MTO1: variants seen among roughly 807,000 people sequenced by gnomAD.
MTO1 encodes the protein mitochondrial tRNA translation optimization 1, also known as 5-taurinomethyluridine-[tRNA] synthase subunit MTO1, mitochondrial.
Under a neutral mutation model 71.6 loss-of-function variants are expected in MTO1, and 46 were observed. That is an observed-to-expected ratio of 0.64 (90% CI 0.51 to 0.82). MTO1 has a LOEUF of 0.82. Among genes scored for constraint, MTO1 ranks in the 40% least tolerant of loss-of-function variants. The pLI is 0.00. For synonymous variants in MTO1, 297 were observed against 312.1 expected (o/e 0.95, Z 0.51); for missense variants, 773 against 867.5 (o/e 0.89, Z 1.37).
intron 11 of MTO1, among the ~76,000 whole-genome samples, chr6:73,499,536 G>GA (rs1434178603): frequency 5.0e-5 from 7 of 139,956 alleles, no homozygotes; most frequent in East Asian, 2.1e-4. Context: ...AAAAAAAAAA[G>GA]AAAAAAATTA....
intron 4 of MTO1, among the ~76,000 whole-genome samples, chr6:73,478,634 G>T (rs2150034932): frequency 6.6e-6 from 1 of 152,294 alleles, no homozygotes. Context: ...CACCCCCTGG[G>T]TTCAAGCGAT....
chr6:73,492,427 C>G, intron 10 of MTO1, 75 bp downstream of exon 10: 1 of 1,014,378 alleles, frequency 9.9e-7, no homozygotes, highest in South Asian at 1.3e-5. Context: ...TCCATTATTA[C>G]TGTTGGACCA....
rs577810557 is a variant in MTO1, at chr6:73,492,283, A to C, written c.1687A>C (p.Lys563Gln). 1 of 1,613,892 alleles carries C rather than the reference A, an allele frequency of 6.2e-7. No individual in the cohort carries two copies. The highest frequency in any genetic ancestry group is 1.3e-5 in the African/African-American group (1 of 74,910). Residue 563 changes from lysine to glutamine, a missense_variant, in exon 10 of 12, where the codon AAG (lysine) becomes CAG (glutamine). By Grantham distance (53) the Lys-to-Gln change is moderately conservative. Transcript: ENST00000498286. ...GGAAGTTGACATGGATTCATTAGCCAAGGCTGTTCCAGAGCCCTTGAAGAA... is the reference window on the plus strand; with the variant it reads ...GGAAGTTGACATGGATTCATTAGCCCAGGCTGTTCCAGAGCCCTTGAAGAA... Reference protein sequence around the residue: ...YEEVDMDSLAKAVPEPLKKYT... With the variant: ...YEEVDMDSLAQAVPEPLKKYT...
Position 73,482,242 on chromosome 6 carries a change from G to A in MTO1, c.1463G>A (p.Arg488Gln), listed in dbSNP as rs552919722. ...PDNADSRLTLRGYKDAGCVSQ... is the reference protein window; with the variant it reads ...PDNADSRLTLQGYKDAGCVSQ... ...AATGCTGACAGCCGGCTCACACTGC[G>A]AGGTAACTCTTTCCTGAGTCCTGCA... is the stretch of plus-strand genomic sequence containing the variant. The change falls in exon 8 of 12, where the codon CGA becomes CAA. Residue 488 changes from arginine (R) to glutamine (Q), a missense_variant and splice_region_variant. Physicochemically the swap from Arg to Gln is conservative, Grantham distance 43. Transcript: ENST00000498286. 9.3e-6 allele frequency: 15 copies of A among 1,613,874 alleles called. No individual in the cohort carries two copies. Among genetic ancestry groups the A allele is most frequent in the African/African-American group, 2.7e-5 (2 of 74,880 alleles).
intron 1 of MTO1, among the ~76,000 whole-genome samples, chr6:73,463,612 CCATT>C (rs1770890620): frequency 6.6e-6 from 1 of 152,086 alleles, no homozygotes; most frequent in South Asian, 2.1e-4. Flanking sequence ...TTTAAAATAA[CCATT>C]CAGCTCATAA....
In MTO1 at chr6:73,500,656, G is replaced by C. The variant is rs1772134714; in HGVS notation, c.2000G>C (p.Arg667Thr). 1.9e-6 allele frequency: 3 copies of C among 1,613,948 alleles called. No homozygotes were observed. The highest frequency in any genetic ancestry group is 3.3e-5 in the Admixed American group (2 of 59,978). Residue 667 changes from arginine (R) to threonine (T), a missense_variant, in exon 12 of 12, where the codon AGA becomes ACA. Physicochemically the swap from Arg to Thr is moderately conservative, Grantham distance 71. Coordinates refer to ENST00000498286, the MANE Select transcript of MTO1 (RefSeq NM_012123.4). ...AGATTTGTGAAGACCACTCAACGAAGACAGTCGGCTATGAATGAATCATCC... is the reference window on the plus strand; with the variant it reads ...AGATTTGTGAAGACCACTCAACGAACACAGTCGGCTATGAATGAATCATCC... ...LLRFVKTTQRRQSAMNESSKT... is the reference protein window; with the variant it reads ...LLRFVKTTQRTQSAMNESSKT...
chr6:73,475,199 G>GCCAT (rs2150032662), intron 4 of MTO1, among the ~76,000 whole-genome samples: 1 of 152,100 alleles, frequency 6.6e-6, no homozygotes, highest in East Asian at 1.9e-4. Context: ...CTGAGCTCAA[G>GCCAT]CCATCCGCCC....
intron 3 of MTO1, among the ~76,000 whole-genome samples, chr6:73,467,105 A>G (rs1363005203): frequency 6.6e-6 from 1 of 151,878 alleles, no homozygotes; most frequent in Non-Finnish European, 1.5e-5. Flanking sequence ...CTTGAGCCCC[A>G]GAGTTTGAGA....
chr6:73,479,504 A>G (rs574459849), intron 4 of MTO1, among the ~76,000 whole-genome samples: 9 of 152,270 alleles, frequency 5.9e-5, no homozygotes, highest in African/African-American at 2.2e-4. Flanking sequence ...CAAAAAATAA[A>G]AACATTAAAA....
chr6:73,485,534 G>C (rs1771627884), intron 9 of MTO1, among the ~76,000 whole-genome samples: 1 of 151,982 alleles, frequency 6.6e-6, no homozygotes, highest in East Asian at 1.9e-4. Flanking sequence ...CGCCTCCTGG[G>C]TTCAAGTGAT....
At chr6:73,473,959 A>T (rs1011996153) in intron 4 of MTO1, among the ~76,000 whole-genome samples, 1 of 151,396 alleles carries the variant, frequency 6.6e-6, no homozygotes, top group Non-Finnish European at 1.5e-5. Context: ...GGCTTTTTAA[A>T]ATTTTTTTGA....
At chr6:73,493,414 G>A (rs1771884899) in intron 10 of MTO1, among the ~76,000 whole-genome samples, 1 of 146,412 alleles carries the variant, frequency 6.8e-6, no homozygotes, top group African/African-American at 2.5e-5. Context: ...TTTTGAGATG[G>A]AGTTTCACTT....
chr6:73,463,957 T>C (rs1770901735), intron 1 of MTO1: 1 of 152,008 alleles, frequency 6.6e-6, no homozygotes, highest in African/African-American at 2.4e-5. Context: ...GCCAGGCTGG[T>C]CTCCAACTCC....
Position 73,505,382 on chromosome 6 carries a change from G to C in MTO1, c.*4647G>C, listed in dbSNP as rs1582706737. On this transcript the variant is annotated 3_prime_UTR_variant, in exon 12 of 12. Coordinates refer to ENST00000498286, the MANE Select transcript of MTO1 (RefSeq NM_012123.4). ...CATGGATAAACCTTGAAAAAGTTAT[G>C]CTAACTGAAATCAGCCAGTCACAAA... 2.6e-5 allele frequency: 4 copies of C among 152,134 alleles called. 1 individual carries two copies. Among genetic ancestry groups the C allele is most frequent in the Admixed American group, 2.6e-4 (4 of 15,254 alleles). The allele number at this position is 152,134 out of a possible 1,614,324, so 9.4% of individuals were successfully genotyped here.
At chr6:73,488,522 C>T (rs1045059641) in intron 9 of MTO1, among the ~76,000 whole-genome samples, 1 of 151,934 alleles carries the variant, frequency 6.6e-6, no homozygotes, top group African/African-American at 2.4e-5. Context: ...GGATATTAAC[C>T]CCATTTCAGA....
intron 9 of MTO1, among the ~76,000 whole-genome samples, chr6:73,488,360 A>T (rs1248079698): frequency 6.6e-6 from 1 of 152,014 alleles, no homozygotes; most frequent in African/African-American, 2.4e-5. Flanking sequence ...TCTTGTAGAG[A>T]CAGGATCTTG....
At chr6:73,480,871 T>C in intron 7 of MTO1, 66 bp downstream of exon 7, 1 of 1,520,294 alleles carries the variant, frequency 6.6e-7, no homozygotes, top group Non-Finnish European at 9.0e-7. Context: ...CCTTTTAATG[T>C]CTGTTGTGTT....
intron 3 of MTO1, 78 bp from the exon 4 acceptor site, chr6:73,473,287 G>A: frequency 7.3e-7 from 1 of 1,368,416 alleles, no homozygotes; most frequent in Non-Finnish European, 9.8e-7. Context: ...CAGATAGATA[G>A]ATAGATAGAT....
Position 73,482,114 on chromosome 6 carries a change from T to C in MTO1, c.1335T>C (p.Gly445=), listed in dbSNP as rs539098813. The C allele has an allele frequency of 6.2e-6, 10 of 1,614,114 alleles. No homozygotes were observed. In the South Asian group the frequency reaches 1.1e-4, roughly 18 times the overall value. Residue 445 remains glycine, a synonymous_variant, in exon 8 of 12, where the codon GGT becomes GGC. Transcript: ENST00000498286. ...KPPFVVSRTE[G]YIGVLIDDLT... is the part of the protein sequence containing the mutation. ...CCTTTGTGGTTAGCCGAACAGAAGG[T>C]TACATAGGAGTCTTGATTGATGACC...
Sources: allele counts gnomAD v4.1 joint callset (sites outside exome capture counted in the v4.1 genomes callset), GRCh38; gene constraint gnomAD v4.1.1; transcripts MANE v1.5; gene names NCBI Gene and HGNC (gene_info 2026-07-23, HGNC 2026-07-21).